The following CD74 variants were observed in gnomAD, a reference collection of about 807,000 sequenced individuals.
The protein encoded by CD74 is CD74 molecule.
Under a neutral mutation model 37.1 loss-of-function variants are expected in CD74, and 20 were observed. The observed-to-expected ratio is 0.54, with a 90% CI of 0.38 to 0.78. The LOEUF (loss-of-function observed/expected upper bound fraction) is 0.78. Among genes scored for constraint, CD74 ranks in the 30% least tolerant of loss-of-function variants. The probability of loss-of-function intolerance (pLI) is 0.00; values close to 1 mark genes in which losing one functional copy is unlikely to be tolerated. For synonymous variants in CD74, 150 were observed against 152.0 expected, an observed-to-expected ratio of 0.99 and a Z score of 0.10; for missense variants, 338 against 389.5, an observed-to-expected ratio of 0.87 and a Z score of 1.11.
At position 150,402,243 on chromosome 5, in the gene CD74, C is replaced by G. The variant is rs375103772; in HGVS notation, c.888G>C (p.Met296Ile). The G allele has an allele frequency of 6.2e-7, 1 of 1,601,192 alleles. No individual in the cohort carries two copies. Among genetic ancestry groups the G allele is most frequent in the Admixed American group, 1.7e-5 (1 of 58,066 alleles). ...TTGAAGACCGCCTCTGCTGCTCTCA[C>G]ATGGGGACTGGAGAGAGAAGCAGCA... ...VTKQDLGPVPM is the reference protein window; with the variant it reads ...VTKQDLGPVPI The change falls in exon 9 of 9, where the codon ATG (methionine) becomes ATC (isoleucine). Residue 296 changes from methionine (M) to isoleucine (I), a missense_variant. Physicochemically the swap from Met to Ile is conservative, Grantham distance 10 (BLOSUM62 1). Coordinates refer to ENST00000009530, the MANE Select transcript of CD74 (RefSeq NM_001025159.3). This position sits in a 1 kb window ranked among gnomAD's most constrained non-coding sequence, Gnocchi z 4.2.
chr5:150,410,195 C>A (rs1770259001), intron 1 of CD74, among the ~76,000 whole-genome samples: 2 of 152,172 alleles, frequency 1.3e-5, no homozygotes, highest in Admixed American at 1.3e-4. Context: ...TCCACCTGTT[C>A]AGTGCTTCTG....
chr5:150,406,963 G>T lies in CD74; in HGVS notation c.299-3C>A. ...CATCTTGCTCACAGGCTTGGGAGCT[G>T]TGGGGACAGGAACGAGGGTAAGTGT... On this transcript the variant is annotated splice_region_variant and splice_polypyrimidine_tract_variant and intron_variant, in intron 2 of 8. Coordinates refer to ENST00000009530, the MANE Select transcript of CD74 (RefSeq NM_001025159.3). The T allele has an allele frequency of 6.4e-7, 1 of 1,573,106 alleles. No individual in the cohort carries two copies. The highest frequency in any genetic ancestry group is 1.2e-5 in the South Asian group (1 of 84,622).
At chr5:150,409,011 G>A (rs1264531483) in intron 1 of CD74, among the ~76,000 whole-genome samples, 2 of 152,182 alleles carry the variant, frequency 1.3e-5, no homozygotes, top group Non-Finnish European at 2.9e-5. Flanking sequence ...CTTGAGGCCA[G>A]GAGTTCGAGA....
intron 6 of CD74, 110 bp downstream of exon 6, chr5:150,404,570 G>A (rs1769835422): frequency 6.2e-6 from 4 of 642,626 alleles, no homozygotes; most frequent in Admixed American, 2.6e-5. Context: ...GAGGATGGGA[G>A]ATTCCGCGGT....
At chr5:150,410,679 T>G (rs1227394125) in intron 1 of CD74, among the ~76,000 whole-genome samples, 1 of 110,408 alleles carries the variant, frequency 9.1e-6, no homozygotes, top group Non-Finnish European at 2.0e-5. Flanking sequence ...CTTCTGCAAT[T>G]AAAAAAAAAA....
rs1026545235 is a variant in CD74 at position 150,407,128 on chromosome 5, A to G, written c.298+24T>C. The G allele has an allele frequency of 6.2e-7, 1 of 1,603,138 alleles. No individual in the cohort carries two copies. Among genetic ancestry groups the G allele is most frequent in the South Asian group, 1.1e-5 (1 of 90,462 alleles). On this transcript the variant is annotated intron_variant, in intron 2 of 8. Transcript: ENST00000009530. The surrounding 1 kb of genome is among the most constrained non-coding windows in gnomAD (Gnocchi z 4.4). ...TGAGGGATGGTGGGAGGTGGGGGGT[A>G]TCAGGATGTAGGGGTGCACGCACGC...
chr5:150,409,526 C>CA (rs558964887), intron 1 of CD74, among the ~76,000 whole-genome samples: 10,914 of 144,462 alleles, frequency 0.076, 621 homozygotes, highest in African/African-American at 0.16. Context: ...GGCTCCATCT[C>CA]AAAAAAAAAA....
chr5:150,410,675 C>T (rs1395654627), intron 1 of CD74, among the ~76,000 whole-genome samples: 13 of 133,482 alleles, frequency 9.7e-5, no homozygotes, highest in African/African-American at 3.5e-4. Context: ...CCTTCTTCTG[C>T]AATTAAAAAA....
Position 150,403,061 on chromosome 5 carries a change from G to A in CD74, c.817+60C>T, listed in dbSNP as rs2151169304. On this transcript the variant is annotated intron_variant, in intron 7 of 8. Coordinates refer to ENST00000009530, the MANE Select transcript of CD74 (RefSeq NM_001025159.3). This position sits in a 1 kb window ranked among gnomAD's most constrained non-coding sequence, Gnocchi z 4.5. ...CCATGTGCTTCAGAGGGGACCTCTT[G>A]CCCCTCAACCTTCCTAGTCCTTCCT... 2 of 1,448,450 alleles carry A rather than the reference G, an allele frequency of 1.4e-6. No individual in the cohort carries two copies. The highest frequency in any genetic ancestry group is 1.9e-6 in the Non-Finnish European group (2 of 1,056,692). The allele number at this position is 1,448,450 out of a possible 1,614,324, so 89.7% of individuals were successfully genotyped here.
In CD74 at chr5:150,406,952, G is replaced by T; in HGVS notation, c.307C>A (p.Pro103Thr). ...GTGGCCATGCGCATCTTGCTCACAG[G>T]CTTGGGAGCTGTGGGGACAGGAACG... ...LRMKLPKPPK[P>T]VSKMRMATPL... Residue 103 changes from proline to threonine, a missense_variant, in exon 3 of 9, where the codon CCT (proline) becomes ACT (threonine). Pro to Thr is a conservative substitution (Grantham distance 38). Coordinates refer to ENST00000009530, the MANE Select transcript of CD74 (RefSeq NM_001025159.3). 1 of 1,569,326 alleles carries T rather than the reference G, an allele frequency of 6.4e-7. No individual in the cohort carries two copies. The highest frequency in any genetic ancestry group is 8.6e-7 in the Non-Finnish European group (1 of 1,164,522).
At chr5:150,406,667 G>C in intron 3 of CD74, 3 of 586,606 alleles carry the variant, frequency 5.1e-6, no homozygotes, top group South Asian at 2.2e-5. Flanking sequence ...ACTGTAGAGG[G>C]CTGAGCCTTC....
rs773590099 is a variant in CD74 at position 150,403,254 on chromosome 5, G to A, written c.684C>T (p.Phe228=). The change falls in exon 7 of 9, where the codon TTC becomes TTT. Residue 228 remains phenylalanine (F), a synonymous_variant. Transcript: ENST00000009530. The surrounding 1 kb of genome is among the most constrained non-coding windows in gnomAD (Gnocchi z 4.5). ...TGCCGTTCTCGTCGCACTTGGGCCT[G>A]AATGAACCCGGGTGGACAGCAGGGA... ...SHIPAVHPGS[F]RPKCDENGNY... The A allele has an allele frequency of 6.2e-7, 1 of 1,614,028 alleles. No individual in the cohort carries two copies. The highest frequency in any genetic ancestry group is 8.5e-7 in the Non-Finnish European group (1 of 1,179,900).
At position 150,402,509 on chromosome 5, in the gene CD74, G is replaced by A. The variant is rs753892933; in HGVS notation, c.880+54C>T. 1 of 1,450,314 alleles carries A rather than the reference G, an allele frequency of 6.9e-7. No individual in the cohort carries two copies. Among genetic ancestry groups the A allele is most frequent in the South Asian group, 1.1e-5 (1 of 87,914 alleles). The allele number at this position is 1,450,314 out of a possible 1,614,324, so 89.8% of individuals were successfully genotyped here. ...CCTTCACCTGCCCACAAAGGAGCTG[G>A]CCCTGCTGGGGATGAGCTGCTGGTG... On this transcript the variant is annotated intron_variant, in intron 8 of 8. Coordinates refer to ENST00000009530, the MANE Select transcript of CD74 (RefSeq NM_001025159.3). The surrounding 1 kb of genome is among the most constrained non-coding windows in gnomAD (Gnocchi z 4.2).
Position 150,403,170 on chromosome 5 carries a change from G to C in CD74, c.768C>G (p.Asn256Lys), listed in dbSNP as rs377610250. The change falls in exon 7 of 9, where the codon AAC (asparagine) becomes AAG (lysine). Residue 256 changes from asparagine to lysine, a missense_variant. Coordinates refer to ENST00000009530, the MANE Select transcript of CD74 (RefSeq NM_001025159.3). The surrounding 1 kb of genome is among the most constrained non-coding windows in gnomAD (Gnocchi z 4.5). Reference sequence around the variant, plus strand: ...TTCTGGTGTTGGGGACCTCCGTGCCGTTGGGGAAGACACACCAGCAGTAGC... The same window carrying C: ...TTCTGGTGTTGGGGACCTCCGTGCCCTTGGGGAAGACACACCAGCAGTAGC... ...SIGYCWCVFP[N>K]GTEVPNTRSR... 1.2e-6 allele frequency: 2 copies of C among 1,613,900 alleles called. No individual in the cohort carries two copies. Among genetic ancestry groups the C allele is most frequent in the Admixed American group, 1.7e-5 (1 of 60,008 alleles).
intron 5 of CD74, 151 bp downstream of exon 5, chr5:150,404,934 A>G: frequency 4.7e-6 from 4 of 853,840 alleles, no homozygotes; most frequent in Non-Finnish European, 1.9e-6. Flanking sequence ...TGAACCCCAC[A>G]TACTCTGCAG....
chr5:150,409,768 TTTTGTTTGTTTG>T, intron 1 of CD74, among the ~76,000 whole-genome samples: 1 of 147,586 alleles, frequency 6.8e-6, no homozygotes, highest in East Asian at 2.0e-4. Context: ...TCTGGGTGTT[TTTTGTTTGTTTG>T]TTTGTTTGTT....
rs1191158449 is a variant in CD74, at chr5:150,408,656, T to C, written c.126-1332A>G. ...TGTATCTGTGGGACTTGGATGCGAC[T>C]GGGGGGTGCATGCATATGTTACAGT... is the stretch of plus-strand genomic sequence containing the variant. On this transcript the variant is annotated intron_variant, in intron 1 of 8. Transcript: ENST00000009530. 4.6e-5 allele frequency among the ~76,000 whole-genome samples: 7 copies of C among 152,218 alleles called. No individual in the cohort carries two copies. In the East Asian group the frequency reaches 1.4e-3, roughly 29 times the overall value.
At position 150,402,617 on chromosome 5, in the gene CD74, C is replaced by T. The variant is rs1232396820; in HGVS notation, c.826G>A (p.Glu276Lys). ...AGCCCAGAAGACGGGTCCTCCAGTT[C>T]CAGTGACTCTGCAAAGGAGCAGCAA... ...RGHHNCSESL[E>K]LEDPSSGLGV... Residue 276 changes from glutamate (E) to lysine (K), a missense_variant, in exon 8 of 9, where the codon GAA (glutamate) becomes AAA (lysine). Coordinates refer to ENST00000009530, the MANE Select transcript of CD74 (RefSeq NM_001025159.3). This position sits in a 1 kb window ranked among gnomAD's most constrained non-coding sequence, Gnocchi z 4.2. The T allele has an allele frequency of 6.2e-7, 1 of 1,610,124 alleles. No homozygotes were observed. Among genetic ancestry groups the T allele is most frequent in the African/African-American group, 1.3e-5 (1 of 74,776 alleles).
In CD74 at chr5:150,401,714, A is replaced by G; in HGVS notation, c.*526T>C. The G allele has an allele frequency of 5.3e-6, 3 of 568,806 alleles. No individual in the cohort carries two copies. The East Asian group carries it at 8.8e-5, about 17-fold the overall frequency. 35.2% of individuals were successfully genotyped at this position (568,806 alleles called of 1,614,324 possible). On this transcript the variant is annotated 3_prime_UTR_variant, in exon 9 of 9. Coordinates refer to ENST00000009530, the MANE Select transcript of CD74 (RefSeq NM_001025159.3). ...TAACAAGCTTGGCTGAGCAGAGGGA[A>G]CTAGGGGTCGGCAGAAAGGATTATG... is the stretch of plus-strand genomic sequence containing the variant.
Sources: gnomAD v4.1 joint callset for allele counts (sites outside exome capture counted in the v4.1 genomes callset) on GRCh38, gnomAD v4.1.1 for gene constraint, Gnocchi (gnomAD v3.1) non-coding constraint, MANE v1.5 for transcripts, NCBI Gene and HGNC (gene_info 2026-07-23, HGNC 2026-07-21) for gene names.